TMEM117: variants seen among roughly 807,000 people sequenced by gnomAD.
TMEM117 encodes the protein transmembrane protein 117.
TMEM117 carries 27 observed loss-of-function variants against 52.4 expected under a neutral mutation model. The ratio of observed to expected loss-of-function variants is 0.51; its 90% CI spans 0.38 to 0.71. The LOEUF is 0.71. Ranked by LOEUF, TMEM117 falls within the 30% of genes least tolerant of loss-of-function variation. The probability of loss-of-function intolerance (pLI) is 0.00; values close to 1 mark genes in which losing one functional copy is unlikely to be tolerated. For missense variants in TMEM117, 556 were observed against 630.5 expected (o/e 0.88, Z 1.26); for synonymous variants, 215 against 206.3 (o/e 1.04, Z -0.36).
chr12:44,311,456 A>T (rs1726884), intron 6 of TMEM117, among the ~76,000 whole-genome samples: 3,853 of 151,934 alleles, frequency 0.025, 157 homozygotes, highest in African/African-American at 0.083. Context: ...GCCAAGAAAG[A>T]TCTTTTGTTT....
chr12:43,866,376 C>T (rs1943599285), intron 2 of TMEM117, among the ~76,000 whole-genome samples: 1 of 148,832 alleles, frequency 6.7e-6, no homozygotes, highest in Admixed American at 6.7e-5. Flanking sequence ...AGTTGGAGAC[C>T]ATCCTGGGAC....
chr12:44,331,265 A>AG (rs1465993772), intron 6 of TMEM117, among the ~76,000 whole-genome samples: 1 of 151,482 alleles, frequency 6.6e-6, no homozygotes, highest in African/African-American at 2.4e-5. Context: ...AAACTCTTTG[A>AG]TCATCTAAAT....
intron 6 of TMEM117, among the ~76,000 whole-genome samples, chr12:44,366,570 A>G (rs1331470445): frequency 2.0e-5 from 3 of 152,050 alleles, no homozygotes; most frequent in African/African-American, 7.2e-5. Context: ...ATTTTTCTCT[A>G]GAGCTCAGAG....
At chr12:44,044,784 A>T (rs1222294409) in intron 3 of TMEM117, among the ~76,000 whole-genome samples, 1 of 152,244 alleles carries the variant, frequency 6.6e-6, no homozygotes, top group East Asian at 1.9e-4. Flanking sequence ...CAGTGAAGGG[A>T]AATCTTCCCA....
intron 3 of TMEM117, among the ~76,000 whole-genome samples, chr12:44,129,365 G>A (rs1214002020): frequency 6.6e-6 from 1 of 152,142 alleles, no homozygotes; most frequent in African/African-American, 2.4e-5. Flanking sequence ...AGAAGCCTGT[G>A]TGCTTCCCAT....
chr12:43,877,697 G>A (rs545041369), intron 2 of TMEM117, among the ~76,000 whole-genome samples: 17 of 151,876 alleles, frequency 1.1e-4, no homozygotes, highest in African/African-American at 3.6e-4. Context: ...GCTTGTAGCA[G>A]CTAATAGCTG....
chr12:44,222,186 C>T (rs1265010492), intron 5 of TMEM117, among the ~76,000 whole-genome samples: 1 of 152,054 alleles, frequency 6.6e-6, no homozygotes, highest in African/African-American at 2.4e-5. Flanking sequence ...TCATGAATTC[C>T]ACTCACCTAC....
intron 3 of TMEM117, among the ~76,000 whole-genome samples, chr12:44,097,970 G>A (rs114995545): frequency 0.011 from 1,743 of 152,012 alleles, 22 homozygotes; most frequent in South Asian, 0.051. Context: ...TTTTGAAATA[G>A]GAATATAGGA....
chr12:44,152,540 TA>T (rs1183017637), intron 4 of TMEM117, among the ~76,000 whole-genome samples: 3 of 120,384 alleles, frequency 2.5e-5, no homozygotes, highest in African/African-American at 1.0e-4. Context: ...TTATATCATA[TA>T]AATTTTTATA....
intron 3 of TMEM117, among the ~76,000 whole-genome samples, chr12:43,964,010 C>T (rs1480679853): frequency 6.6e-6 from 1 of 152,048 alleles, no homozygotes; most frequent in African/African-American, 2.4e-5. Flanking sequence ...GATTATGCCT[C>T]AGTAACAAGC....
intron 3 of TMEM117, among the ~76,000 whole-genome samples, chr12:44,042,819 C>T (rs556539633): frequency 6.6e-5 from 10 of 150,422 alleles, no homozygotes; most frequent in African/African-American, 2.5e-4. Flanking sequence ...CTTATTAGTT[C>T]TGCCCCTCTA....
chr12:43,804,564 C>A, the TMEM117 span: 1 of 1,596,106 alleles, frequency 6.3e-7, no homozygotes, highest in Non-Finnish European at 8.5e-7. Context: ...TCTTTAACAT[C>A]TTCACTTGCT....
intron 1 of TMEM117, among the ~76,000 whole-genome samples, chr12:43,842,787 T>C (rs1943136622): frequency 2.6e-5 from 4 of 152,066 alleles, no homozygotes; most frequent in African/African-American, 9.7e-5. Flanking sequence ...GAAGTAGATA[T>C]ATTACAGAGT....
chr12:43,924,700 A>T (rs1379769789), intron 2 of TMEM117, among the ~76,000 whole-genome samples: 4 of 152,146 alleles, frequency 2.6e-5, no homozygotes, highest in Non-Finnish European at 5.9e-5. Context: ...TTAGCATGTT[A>T]TTTCCATGCT....
intron 5 of TMEM117, among the ~76,000 whole-genome samples, chr12:44,249,242 A>G (rs534911122): frequency 5.7e-4 from 86 of 152,196 alleles, no homozygotes; most frequent in African/African-American, 2.0e-3. Context: ...GTGGTATACA[A>G]CTACTAATAT....
chr12:43,947,763 A>G (rs1382898571), intron 3 of TMEM117, among the ~76,000 whole-genome samples: 2 of 152,214 alleles, frequency 1.3e-5, no homozygotes, highest in Non-Finnish European at 2.9e-5. Flanking sequence ...TTTCCAAAAC[A>G]GTTTCAAGAA....
chr12:43,962,935 A>T (rs895613476), intron 3 of TMEM117, among the ~76,000 whole-genome samples: 1 of 137,968 alleles, frequency 7.2e-6, no homozygotes, highest in Non-Finnish European at 1.6e-5. Context: ...GACTCCGTTT[A>T]AAAAAAAAAA....
intron 3 of TMEM117, among the ~76,000 whole-genome samples, chr12:44,089,190 A>G (rs1439602178): frequency 2.0e-5 from 3 of 152,176 alleles, no homozygotes; most frequent in African/African-American, 4.8e-5. Flanking sequence ...AAATGAATGA[A>G]AAGGAAGGAT....
At chr12:44,206,656 T>C (rs1421449549) in intron 4 of TMEM117, among the ~76,000 whole-genome samples, 8 of 152,186 alleles carry the variant, frequency 5.3e-5, no homozygotes, top group Non-Finnish European at 2.9e-5. Flanking sequence ...AATCATGTCC[T>C]TTGCAGCAAC....
Sources: allele counts gnomAD v4.1 joint callset (sites outside exome capture counted in the v4.1 genomes callset), GRCh38; gene constraint gnomAD v4.1.1; transcripts MANE v1.5; gene names NCBI Gene and HGNC (gene_info 2026-07-23, HGNC 2026-07-21).